Variants in FSTL5 observed in about 807,000 individuals in gnomAD.
The protein encoded by FSTL5 is follistatin like 5.
Under a neutral mutation model 89.1 loss-of-function variants are expected in FSTL5, and 62 were observed. That is an observed-to-expected ratio of 0.70 (90% confidence interval 0.57 to 0.86). The LOEUF (loss-of-function observed/expected upper bound fraction) is 0.86. FSTL5 is among the 40% of genes least tolerant of loss of function. The pLI, the probability that FSTL5 is intolerant of heterozygous loss-of-function variation, is 0.00. For missense variants in FSTL5, 1,057 were observed against 1,001.6 expected (o/e 1.06, Z -0.75); for synonymous variants, 383 against 346.2 (o/e 1.11, Z -1.18).
At chr4:162,000,604 A>AC (rs1736435484) in intron 3 of FSTL5, among the ~76,000 whole-genome samples, 1 of 150,812 alleles carries the variant, frequency 6.6e-6, no homozygotes, top group Non-Finnish European at 1.5e-5. Flanking sequence ...TCTAAAAAAA[A>AC]AAAAAACAAA....
At chr4:162,049,234 GAAGA>G (rs1738303053) in intron 2 of FSTL5, among the ~76,000 whole-genome samples, 1 of 152,124 alleles carries the variant, frequency 6.6e-6, no homozygotes, top group Admixed American at 6.6e-5. Flanking sequence ...AGAAAGCTTT[GAAGA>G]TTTGCTTTTG....
At chr4:161,740,237 C>T (rs1187447353) in intron 6 of FSTL5, among the ~76,000 whole-genome samples, 1 of 151,972 alleles carries the variant, frequency 6.6e-6, no homozygotes, top group African/African-American at 2.4e-5. Context: ...CCAACCTGGT[C>T]TTGAACTCCT....
chr4:161,672,160 AG>A (rs1162012118), intron 6 of FSTL5, among the ~76,000 whole-genome samples: 1 of 152,220 alleles, frequency 6.6e-6, no homozygotes, highest in Non-Finnish European at 1.5e-5. Context: ...AAGAAATCAG[AG>A]GGACCTAGAT....
chr4:161,753,571 A>G (rs1579068682), intron 6 of FSTL5, among the ~76,000 whole-genome samples: 1 of 151,840 alleles, frequency 6.6e-6, no homozygotes, highest in Non-Finnish European at 1.5e-5. Context: ...ATTTTTCTCA[A>G]ACAAAGGTTT....
At chr4:162,008,984 GGAA>G (rs1246398141) in intron 3 of FSTL5, among the ~76,000 whole-genome samples, 1 of 151,966 alleles carries the variant, frequency 6.6e-6, no homozygotes, top group Non-Finnish European at 1.5e-5. Flanking sequence ...TAAATAAAAT[GGAA>G]GAAGAAATTT....
At chr4:162,030,985 C>T (rs2111189720) in intron 3 of FSTL5, among the ~76,000 whole-genome samples, 1 of 152,270 alleles carries the variant, frequency 6.6e-6, no homozygotes. Context: ...ATTTTAAGCA[C>T]TTAATGTACA....
intron 15 of FSTL5, among the ~76,000 whole-genome samples, chr4:161,431,220 C>T (rs191365992): frequency 4.6e-5 from 7 of 152,076 alleles, no homozygotes; most frequent in Admixed American, 2.6e-4. Flanking sequence ...AAAAAATGAA[C>T]CTATCAAAAT....
chr4:161,819,870 CA>C (rs1198684919), intron 4 of FSTL5, among the ~76,000 whole-genome samples: 1 of 151,656 alleles, frequency 6.6e-6, no homozygotes, highest in Non-Finnish European at 1.5e-5. Context: ...TATTTTTATT[CA>C]AAATATTATG....
At chr4:161,898,770 C>CA (rs965493459) in intron 4 of FSTL5, among the ~76,000 whole-genome samples, 1 of 151,744 alleles carries the variant, frequency 6.6e-6, no homozygotes, top group African/African-American at 2.4e-5. Context: ...GATGGGACTA[C>CA]AGGCGCCCGC....
Position 162,111,314 on chromosome 4 carries a change from T to C in FSTL5, c.83A>G (p.Tyr28Cys), listed in dbSNP as rs1444984502. The C allele has an allele frequency of 1.9e-6, 3 of 1,611,858 alleles. No individual in the cohort carries two copies. The highest frequency in any genetic ancestry group is 3.3e-5 in the Admixed American group (2 of 59,974). ...SEGRPTKEGG[Y>C]GLKSYQPLMR... ...TAGAGGCTGATAGGATTTAAGGCCA[T>C]ATCCTCCTTCTTTGGTTGGCCTTCC... The change falls in exon 2 of 16, where the codon TAT becomes TGT. Residue 28 changes from tyrosine (Y) to cysteine (C), a missense_variant. By Grantham distance (194) the Tyr-to-Cys change is radical. This residue lies in a region of FSTL5 where 980 missense variants were observed against 903.2 expected (regional missense o/e 1.08). Transcript: ENST00000306100.
intron 13 of FSTL5, among the ~76,000 whole-genome samples, chr4:161,475,224 T>G (rs1385221343): frequency 1.3e-5 from 2 of 152,208 alleles, no homozygotes; most frequent in Non-Finnish European, 2.9e-5. Context: ...CATGTCTTGA[T>G]GTTGGTCACT....
At chr4:161,420,740 AT>A (rs1731957539) in intron 15 of FSTL5, among the ~76,000 whole-genome samples, 1 of 150,978 alleles carries the variant, frequency 6.6e-6, no homozygotes, top group Non-Finnish European at 1.5e-5. Flanking sequence ...AATACCATAT[AT>A]ATGCCTTACT....
chr4:161,878,683 T>A (rs1381381180), intron 4 of FSTL5, among the ~76,000 whole-genome samples: 1 of 152,036 alleles, frequency 6.6e-6, no homozygotes. Flanking sequence ...AAATAGAATA[T>A]CCCTAGTAGC....
chr4:162,090,547 G>A (rs748260161), intron 2 of FSTL5, among the ~76,000 whole-genome samples: 1 of 152,060 alleles, frequency 6.6e-6, no homozygotes, highest in African/African-American at 2.4e-5. Flanking sequence ...AAGGCCGGGT[G>A]CGGTGACTCA....
intron 4 of FSTL5, among the ~76,000 whole-genome samples, chr4:161,904,174 CA>C (rs919800099): frequency 4.0e-5 from 6 of 148,782 alleles, no homozygotes; most frequent in Admixed American, 2.7e-4. Context: ...GACTCACAAG[CA>C]AAAAAAAAGA....
chr4:161,930,366 A>T (rs904088905), intron 3 of FSTL5, among the ~76,000 whole-genome samples: 1 of 151,896 alleles, frequency 6.6e-6, no homozygotes, highest in African/African-American at 2.4e-5. Context: ...AATACTGATT[A>T]GTTCATTAAT....
At chr4:161,597,769 T>C (rs180840102) in intron 7 of FSTL5, among the ~76,000 whole-genome samples, 18 of 152,082 alleles carry the variant, frequency 1.2e-4, no homozygotes, top group African/African-American at 3.1e-4. Flanking sequence ...GGAGTGTTTA[T>C]AGGTTATGAA....
intron 4 of FSTL5, among the ~76,000 whole-genome samples, chr4:161,814,823 T>G (rs573863901): frequency 2.2e-4 from 34 of 152,230 alleles, no homozygotes; most frequent in African/African-American, 7.2e-4. Context: ...CCTTTATTAA[T>G]TCTCCATGAT....
At chr4:161,564,517 ATAAT>A (rs137964388) in intron 8 of FSTL5, among the ~76,000 whole-genome samples, 23,371 of 150,826 alleles carry the variant, frequency 0.15, 2,385 homozygotes, top group Non-Finnish European at 0.23. Context: ...ATTAACTCAT[ATAAT>A]TAATTTATTA....
Sources: allele counts gnomAD v4.1 joint callset (sites outside exome capture counted in the v4.1 genomes callset), GRCh38; gene constraint gnomAD v4.1.1; regional missense constraint gnomAD v4.1.1; transcripts MANE v1.5; gene names NCBI Gene and HGNC (gene_info 2026-07-23, HGNC 2026-07-21).